FYN: variants seen among roughly 807,000 people sequenced by gnomAD.
The protein encoded by FYN is tyrosine-protein kinase Fyn.
FYN carries 10 observed loss-of-function variants against 70.2 expected under a neutral mutation model. That is an observed-to-expected ratio of 0.14 (90% CI 0.09 to 0.24). The LOEUF is 0.24. Ranked by LOEUF, FYN falls within the 10% of genes least tolerant of loss-of-function variation. The probability of loss-of-function intolerance (pLI) is 1.00; values close to 1 mark genes in which losing one functional copy is unlikely to be tolerated. For synonymous variants in FYN, 236 were observed against 248.6 expected, an observed-to-expected ratio of 0.95 and a Z score of 0.48; for missense variants, 319 against 673.1, an observed-to-expected ratio of 0.47 and a Z score of 5.82.
chr6:111,697,009 G>A (rs977397644), intron 9 of FYN, among the ~76,000 whole-genome samples: 5 of 152,224 alleles, frequency 3.3e-5, no homozygotes, highest in African/African-American at 1.2e-4. Context: ...GATAAGCACT[G>A]GCAAGGAGCT....
intron 2 of FYN, among the ~76,000 whole-genome samples, chr6:111,842,617 AC>A (rs1467377669): frequency 1.3e-5 from 2 of 152,136 alleles, no homozygotes; most frequent in African/African-American, 4.8e-5. Flanking sequence ...CTGGCCTCTG[AC>A]CCCGGAAATC....
chr6:111,708,953 T>C (rs706872), intron 5 of FYN: 20,098 of 152,152 alleles, frequency 0.13, 2,561 homozygotes, highest in African/African-American at 0.33. Flanking sequence ...CTACCTGTGA[T>C]GAAGAGCAGG....
chr6:111,724,996 G>A (rs955870400), intron 3 of FYN, among the ~76,000 whole-genome samples: 4 of 152,034 alleles, frequency 2.6e-5, no homozygotes, highest in Non-Finnish European at 5.9e-5. Context: ...CACTTTTCTC[G>A]GAAAAAAGCA....
chr6:111,760,596 G>A (rs1965583), intron 3 of FYN, among the ~76,000 whole-genome samples: 48,127 of 152,078 alleles, frequency 0.32, 8,768 homozygotes, highest in East Asian at 0.47. Context: ...CAGCAGTGGC[G>A]TGTGTGGGCA....
intron 1 of FYN, among the ~76,000 whole-genome samples, chr6:111,872,726 G>A (rs929139605): frequency 2.0e-5 from 3 of 151,904 alleles, no homozygotes; most frequent in African/African-American, 7.2e-5. Flanking sequence ...GCTTGCGGGC[G>A]AGGAAATGGG....
chr6:111,811,997 C>T (rs1772339438), intron 2 of FYN, among the ~76,000 whole-genome samples: 1 of 152,158 alleles, frequency 6.6e-6, no homozygotes, highest in Non-Finnish European at 1.5e-5. Context: ...CGTCCTAGGA[C>T]CCTCTGCACC....
chr6:111,857,437 A>G (rs1312217335), intron 1 of FYN, among the ~76,000 whole-genome samples: 1 of 152,206 alleles, frequency 6.6e-6, no homozygotes, highest in Non-Finnish European at 1.5e-5. Flanking sequence ...GCTTAAGGAC[A>G]TAATCTCACA....
intron 2 of FYN, among the ~76,000 whole-genome samples, chr6:111,829,099 G>A (rs1772929336): frequency 6.6e-6 from 1 of 152,208 alleles, no homozygotes; most frequent in Admixed American, 6.5e-5. Flanking sequence ...TTTACGAAAT[G>A]AGCTACTAAA....
chr6:111,685,860 T>C (rs1160458572), intron 12 of FYN, among the ~76,000 whole-genome samples: 1 of 152,156 alleles, frequency 6.6e-6, no homozygotes, highest in African/African-American at 2.4e-5. Context: ...AAAATGGGAC[T>C]GACCAGCACA....
intron 2 of FYN, among the ~76,000 whole-genome samples, chr6:111,840,463 T>C (rs543874056): frequency 7.9e-5 from 12 of 152,326 alleles, no homozygotes; most frequent in Admixed American, 5.2e-4. Context: ...ACAGATTCTC[T>C]CCATCTCTGA....
rs773356986 is a variant in FYN at position 111,802,776 on chromosome 6, GA to G, written c.-81-22142del. ...CAGTGTGAGAACACTCTTTCTGGCT[GA>G]AAAAAAAAAAAAAATTCATTGGATT... On this transcript the variant is annotated intron_variant, in intron 2 of 13. Transcript: ENST00000354650. Among the ~76,000 whole-genome samples, 698 of 125,692 alleles carry G rather than the reference GA, an allele frequency of 5.6e-3. 4 individuals carry two copies. Among genetic ancestry groups the G allele is most frequent in the South Asian group, 0.029 (123 of 4,208 alleles). 82.5% of individuals were successfully genotyped at this position (125,692 alleles called of 152,430 possible). A position where few individuals can be genotyped will look rare whatever the true frequency, so the allele number is the denominator to read the frequency against.
intron 2 of FYN, among the ~76,000 whole-genome samples, chr6:111,812,780 C>T (rs1772368350): frequency 6.6e-6 from 1 of 151,816 alleles, no homozygotes; most frequent in Non-Finnish European, 1.5e-5. Context: ...ACTGCAAATT[C>T]TTCGTCTATA....
chr6:111,806,189 C>T (rs943256118), intron 2 of FYN, among the ~76,000 whole-genome samples: 1 of 152,132 alleles, frequency 6.6e-6, no homozygotes, highest in African/African-American at 2.4e-5. Flanking sequence ...AGCTTGTGTT[C>T]GGAGATGAAA....
At chr6:111,700,364 T>TTTGAGGAGCACTGTGC in intron 8 of FYN, 96 bp from the exon 9 acceptor site, 3 of 1,283,772 alleles carry the variant, frequency 2.3e-6, no homozygotes, top group Non-Finnish European at 3.3e-6. Context: ...CGGCGCACAG[T>TTTGAGGAGCACTGTGC]GCTCCTCAAA....
intron 2 of FYN, among the ~76,000 whole-genome samples, chr6:111,799,745 G>A (rs1771924081): frequency 6.6e-6 from 1 of 152,192 alleles, no homozygotes; most frequent in Admixed American, 6.5e-5. Context: ...AGTGGTTCAG[G>A]TGAATGGACA....
chr6:111,783,520 A>C (rs1168371642), intron 2 of FYN, among the ~76,000 whole-genome samples: 1 of 152,246 alleles, frequency 6.6e-6, no homozygotes, highest in Non-Finnish European at 1.5e-5. Context: ...TGACTGTTTA[A>C]TCTTTTGTTT....
At chr6:111,683,937 A>C (rs2094643328) in intron 12 of FYN, among the ~76,000 whole-genome samples, 1 of 152,222 alleles carries the variant, frequency 6.6e-6, no homozygotes, top group African/African-American at 2.4e-5. Context: ...CACTAGGCCA[A>C]AGGAATGACT....
chr6:111,793,908 G>T (rs1300357364), intron 2 of FYN: 1 of 152,188 alleles, frequency 6.6e-6, no homozygotes, highest in Non-Finnish European at 1.5e-5. Context: ...GAGGGGAGGA[G>T]ATCTACGCAG....
chr6:111,774,634 T>G (rs927309681), intron 3 of FYN, among the ~76,000 whole-genome samples: 1 of 151,316 alleles, frequency 6.6e-6, no homozygotes, highest in African/African-American at 2.4e-5. Context: ...AGCCTCCAAC[T>G]GGTGATAACA....
Sources: gnomAD v4.1 joint callset for allele counts (sites outside exome capture counted in the v4.1 genomes callset) on GRCh38, gnomAD v4.1.1 for gene constraint, MANE v1.5 for transcripts, NCBI Gene and HGNC (gene_info 2026-07-23, HGNC 2026-07-21) for gene names.